Variants in DNAJC1 observed in about 807,000 individuals in gnomAD.
DNAJC1 encodes the protein dnaJ homolog subfamily C member 1.
In DNAJC1, 58 loss-of-function variants were observed where a neutral mutation model predicts 76.6. The observed-to-expected ratio is 0.76, with a 90% CI of 0.61 to 0.94. The LOEUF (loss-of-function observed/expected upper bound fraction) is 0.94. Ranked by LOEUF, DNAJC1 falls within the 40% of genes least tolerant of loss-of-function variation. The pLI, the probability that DNAJC1 is intolerant of heterozygous loss-of-function variation, is 0.00. For missense variants in DNAJC1, 689 were observed against 677.3 expected (o/e 1.02, Z -0.19); for synonymous variants, 258 against 267.9 (o/e 0.96, Z 0.36).
chr10:21,933,930 T>C (rs1473747310), intron 1 of DNAJC1, among the ~76,000 whole-genome samples: 1 of 152,152 alleles, frequency 6.6e-6, no homozygotes, highest in Non-Finnish European at 1.5e-5. Flanking sequence ...TATTTGATGA[T>C]AATAAGCAAC....
intron 8 of DNAJC1, among the ~76,000 whole-genome samples, chr10:21,857,876 A>AC (rs1020263868): frequency 1.4e-4 from 21 of 150,358 alleles, no homozygotes; most frequent in African/African-American, 5.1e-4. Context: ...CAAACAAACA[A>AC]AAAAAAAAAC....
At chr10:21,791,979 G>A (rs1041240330) in intron 9 of DNAJC1, among the ~76,000 whole-genome samples, 4 of 151,960 alleles carry the variant, frequency 2.6e-5, no homozygotes, top group East Asian at 1.9e-4. Flanking sequence ...TTAGCTTAGC[G>A]TAACCAAAAG....
chr10:21,958,800 T>C (rs1000916721), intron 1 of DNAJC1, among the ~76,000 whole-genome samples: 3 of 152,112 alleles, frequency 2.0e-5, no homozygotes, highest in Non-Finnish European at 2.9e-5. Context: ...ACGTCAGATT[T>C]GGCAGAAAAA....
chr10:21,762,862 G>A (rs1474315257), intron 10 of DNAJC1, among the ~76,000 whole-genome samples: 1 of 152,174 alleles, frequency 6.6e-6, no homozygotes, highest in Non-Finnish European at 1.5e-5. Context: ...AAAAATAAGA[G>A]TTTTTATAGG....
chr10:21,876,671 C>T (rs181448608), intron 8 of DNAJC1, among the ~76,000 whole-genome samples: 2 of 152,144 alleles, frequency 1.3e-5, no homozygotes, highest in African/African-American at 4.8e-5. Flanking sequence ...TGATTAAGAC[C>T]GTGTGGTAGT....
chr10:21,988,400 T>C (rs759207176), intron 1 of DNAJC1, among the ~76,000 whole-genome samples: 48 of 152,194 alleles, frequency 3.2e-4, no homozygotes, highest in Non-Finnish European at 5.3e-4. Context: ...AAAAAATCGA[T>C]GTGCTCCTCA....
intron 6 of DNAJC1, among the ~76,000 whole-genome samples, chr10:21,917,485 C>T (rs1321290683): frequency 6.6e-6 from 1 of 151,884 alleles, no homozygotes; most frequent in Non-Finnish European, 1.5e-5. Flanking sequence ...TTGCCTATTG[C>T]ACGGATTCTA....
intron 8 of DNAJC1, among the ~76,000 whole-genome samples, chr10:21,830,749 C>A (rs1007757809): frequency 6.6e-6 from 1 of 152,122 alleles, no homozygotes; most frequent in Non-Finnish European, 1.5e-5. Context: ...TATTTTCCAT[C>A]CTTATCTGTT....
chr10:21,880,955 G>A (rs927531950), intron 8 of DNAJC1, among the ~76,000 whole-genome samples: 1 of 152,186 alleles, frequency 6.6e-6, no homozygotes, highest in African/African-American at 2.4e-5. Flanking sequence ...CTACTGGTTG[G>A]TGTAGCCACC....
At chr10:21,882,519 A>G (rs1836299421) in intron 7 of DNAJC1, 80 bp from the exon 8 acceptor site, 1 of 929,430 alleles carries the variant, frequency 1.1e-6, no homozygotes, top group African/African-American at 1.7e-5. Context: ...CATAGACCAT[A>G]TCCTGAAAGA....
At chr10:21,778,981 T>C (rs189894383) in intron 9 of DNAJC1, among the ~76,000 whole-genome samples, 41 of 152,310 alleles carry the variant, frequency 2.7e-4, no homozygotes, top group Admixed American at 3.3e-4. Context: ...CCCACGCCCA[T>C]GGAGCCTCGC....
intron 8 of DNAJC1, among the ~76,000 whole-genome samples, chr10:21,837,995 G>A (rs1226657406): frequency 1.7e-4 from 25 of 147,894 alleles, no homozygotes; most frequent in Admixed American, 8.1e-4. Flanking sequence ...CAGCCGCCCC[G>A]GCTGGGAGGT....
At chr10:21,757,323 C>A (rs1273068390) in intron 11 of DNAJC1, among the ~76,000 whole-genome samples, 1 of 152,162 alleles carries the variant, frequency 6.6e-6, no homozygotes, top group Non-Finnish European at 1.5e-5. Flanking sequence ...GCTGTCACAC[C>A]CTGGGCTGGA....
intron 8 of DNAJC1, among the ~76,000 whole-genome samples, chr10:21,881,430 T>C (rs1362610119): frequency 1.3e-5 from 2 of 152,170 alleles, no homozygotes; most frequent in South Asian, 2.1e-4. Flanking sequence ...ATCATTTTTA[T>C]GTAAAGTGAT....
chr10:21,870,799 A>T (rs1299441838), intron 8 of DNAJC1, among the ~76,000 whole-genome samples: 1 of 151,966 alleles, frequency 6.6e-6, no homozygotes, highest in African/African-American at 2.4e-5. Flanking sequence ...AAGAGAGAAA[A>T]GAAAGAAAGA....
intron 1 of DNAJC1, among the ~76,000 whole-genome samples, chr10:22,001,525 GCTT>G (rs1838518555): frequency 6.6e-6 from 1 of 152,126 alleles, no homozygotes; most frequent in Non-Finnish European, 1.5e-5. Context: ...GATTATCTAT[GCTT>G]CTTTATTTTC....
intron 1 of DNAJC1, among the ~76,000 whole-genome samples, chr10:21,960,277 A>C (rs1255231789): frequency 1.3e-5 from 2 of 152,250 alleles, no homozygotes; most frequent in South Asian, 2.1e-4. Flanking sequence ...TAATCTAGAT[A>C]ACCACTAAGA....
chr10:21,993,883 T>TA (rs1838368625), intron 1 of DNAJC1, among the ~76,000 whole-genome samples: 2 of 152,182 alleles, frequency 1.3e-5, no homozygotes, highest in Non-Finnish European at 2.9e-5. Flanking sequence ...ACTTTTTTTT[T>TA]ACCCATTTTT....
rs1366957191 is a variant in DNAJC1 at position 21,855,291 on chromosome 10, C to A, written c.978+26991G>T. 4.6e-5 allele frequency among the ~76,000 whole-genome samples: 7 copies of A among 152,104 alleles called. No homozygotes were observed. The East Asian group carries it at 1.4e-3, about 29-fold the overall frequency. ...ACTCTGAAGTGTATTTTTAATAGTGCCATATAATAATTCATTCATTAGGGT... is the reference window on the plus strand; with the variant it reads ...ACTCTGAAGTGTATTTTTAATAGTGACATATAATAATTCATTCATTAGGGT... On this transcript the variant is annotated intron_variant, in intron 8 of 11. Transcript: ENST00000376980.
Sources: allele counts gnomAD v4.1 joint callset (sites outside exome capture counted in the v4.1 genomes callset), GRCh38; gene constraint gnomAD v4.1.1; transcripts MANE v1.5; gene names NCBI Gene and HGNC (gene_info 2026-07-23, HGNC 2026-07-21).